The following CEP89 variants were observed in gnomAD, a reference collection of about 807,000 sequenced individuals.
CEP89 encodes the protein centrosomal protein of 89 kDa.
Under a neutral mutation model 97.6 loss-of-function variants are expected in CEP89, and 95 were observed. That is an observed-to-expected ratio of 0.97 (90% confidence interval 0.82 to 1.15). The LOEUF is 1.15. Among genes scored for constraint, CEP89 ranks in the 50% most tolerant of loss-of-function variants. The pLI, the probability that CEP89 is intolerant of heterozygous loss-of-function variation, is 0.00. For missense variants in CEP89, 869 were observed against 947.7 expected, an observed-to-expected ratio of 0.92 and a Z score of 1.09; for synonymous variants, 354 against 349.1, an observed-to-expected ratio of 1.01 and a Z score of -0.16.
At position 32,899,977 on chromosome 19, in the gene CEP89, C is replaced by T; in HGVS notation, c.1755G>A (p.Glu585=). The T allele has an allele frequency of 1.9e-6, 3 of 1,614,018 alleles. No homozygotes were observed. In the South Asian group the frequency reaches 3.3e-5, roughly 18 times the overall value. The change falls in exon 16 of 19, where the codon GAG becomes GAA. Residue 585 remains glutamate (E), a synonymous_variant. Coordinates refer to ENST00000305768, the MANE Select transcript of CEP89 (RefSeq NM_032816.5). ...CTTTTTCCACCTGCTTTTTGAGGACCTCAATTTTCTTTTGAGATTTCCTAG... is the reference window on the plus strand; with the variant it reads ...CTTTTTCCACCTGCTTTTTGAGGACTTCAATTTTCTTTTGAGATTTCCTAG... ...KINRKSQKKI[E]VLKKQVEKAM...
chr19:32,902,048 G>GTGTGTA (rs1969792050), intron 14 of CEP89, among the ~76,000 whole-genome samples: 3 of 149,936 alleles, frequency 2.0e-5, no homozygotes, highest in African/African-American at 5.0e-5. Flanking sequence ...GTGTGTGTAT[G>GTGTGTA]TGTGTGTATA....
intron 14 of CEP89, among the ~76,000 whole-genome samples, chr19:32,911,914 T>C (rs1336330905): frequency 1.3e-5 from 2 of 152,112 alleles, no homozygotes; most frequent in Non-Finnish European, 2.9e-5. Context: ...CAAAAGTGAA[T>C]AGGACACTTG....
At chr19:32,928,354 C>T (rs750725224) in intron 9 of CEP89, among the ~76,000 whole-genome samples, 5 of 151,748 alleles carry the variant, frequency 3.3e-5, no homozygotes, top group African/African-American at 4.8e-5. Flanking sequence ...CTTTTCCTTC[C>T]GCCCTTCCTT....
rs528820748 is a variant in CEP89 at position 32,876,025 on chromosome 19, C to G, written c.*3137G>C. On this transcript the variant is annotated 3_prime_UTR_variant, in exon 19 of 19. Coordinates refer to ENST00000305768, the MANE Select transcript of CEP89 (RefSeq NM_032816.5). Reference sequence around the variant, plus strand: ...GGCGTTAAGGGCATTCAGGACAGCTCTCATGACAGACTCACACCCACATGC... The same window carrying G: ...GGCGTTAAGGGCATTCAGGACAGCTGTCATGACAGACTCACACCCACATGC... The G allele has an allele frequency of 1.1e-4, 17 of 152,422 alleles. No individual in the cohort carries two copies. The highest frequency in any genetic ancestry group is 3.8e-4 in the African/African-American group (16 of 41,580). 9.4% of individuals were successfully genotyped at this position (152,422 alleles called of 1,614,324 possible).
intron 16 of CEP89, among the ~76,000 whole-genome samples, chr19:32,896,362 C>G (rs1238715871): frequency 6.6e-6 from 1 of 152,044 alleles, no homozygotes; most frequent in Non-Finnish European, 1.5e-5. Context: ...AGAACATACG[C>G]TGGGGAAAGG....
intron 4 of CEP89, among the ~76,000 whole-genome samples, chr19:32,952,543 G>A (rs1970942950): frequency 6.6e-6 from 1 of 151,646 alleles, no homozygotes; most frequent in South Asian, 2.1e-4. Context: ...ATCAATACCG[G>A]TGTAGCTTAA....
rs376364044 is a variant in CEP89 at position 32,879,961 on chromosome 19, GAGA to G, written c.2136-586_2136-584del. 3.5e-3 allele frequency among the ~76,000 whole-genome samples: 527 copies of G among 152,350 alleles called. 1 individual carries two copies. The highest frequency in any genetic ancestry group is 0.012 in the African/African-American group (491 of 41,578). ...GGAGATAAGACTCATTGCCAAGATG[GAGA>G]AGATTGGCCTGGCCCATGTGCCGGG... On this transcript the variant is annotated intron_variant, in intron 18 of 18. Transcript: ENST00000305768.
Position 32,961,251 on chromosome 19 carries a change from C to T in CEP89, c.147-1193G>A, listed in dbSNP as rs992399538. Among the ~76,000 whole-genome samples the T allele has an allele frequency of 3.9e-5, 6 of 151,958 alleles. No homozygotes were observed. In the East Asian group the frequency reaches 5.8e-4, roughly 15 times the overall value. ...AATAATTAGCCCTGGCTGGGCACTG[C>T]TCCACACCCCACCTAACAAATCATA... is the stretch of plus-strand genomic sequence containing the variant. On this transcript the variant is annotated intron_variant, in intron 2 of 18. Transcript: ENST00000305768.
rs1568559832 is a variant in CEP89, at chr19:32,918,878, C to CTTTTCTTTTTTTTTTTT, written c.1269-540_1269-539insAAAAAAAAAAAAGAAAA. Among the ~76,000 whole-genome samples the CTTTTCTTTTTTTTTTTT allele has an allele frequency of 1.2e-4, 13 of 110,842 alleles. 2 individuals are homozygous for CTTTTCTTTTTTTTTTTT. The highest frequency in any genetic ancestry group is 1.2e-4 in the Non-Finnish European group (6 of 51,488). 72.7% of individuals were successfully genotyped at this position (110,842 alleles called of 152,430 possible). A position where few individuals can be genotyped will look rare whatever the true frequency, so the allele number is the denominator to read the frequency against. ...GGTTTCTTTTTTCTTTTTTCTTTTT[C>CTTTTCTTTTTTTTTTTT]TTTTTCTTTTTTTTTTTTTTTTTTG... is the stretch of plus-strand genomic sequence containing the variant. On this transcript the variant is annotated intron_variant, in intron 12 of 18. Transcript: ENST00000305768.
At chr19:32,962,592 T>C (rs1309494964) in intron 2 of CEP89, among the ~76,000 whole-genome samples, 2 of 152,172 alleles carry the variant, frequency 1.3e-5, no homozygotes, top group Non-Finnish European at 2.9e-5. Context: ...ACTGAAAGCA[T>C]GATCCATAAA....
chr19:32,880,549 G>A (rs535427455), intron 18 of CEP89, among the ~76,000 whole-genome samples: 2 of 151,376 alleles, frequency 1.3e-5, no homozygotes, highest in East Asian at 3.9e-4. Flanking sequence ...TGAGGCAGAA[G>A]GATGACTTGA....
chr19:32,912,698 T>C (rs1970026611), intron 14 of CEP89, among the ~76,000 whole-genome samples: 1 of 152,164 alleles, frequency 6.6e-6, no homozygotes. Flanking sequence ...TTCTATGTAC[T>C]TACAGTACAT....
rs1178549637 is a variant in CEP89, at chr19:32,915,491, G to A, written c.1411C>T (p.Leu471Phe). ...TGGCCGTGGGTTTTTGCCTCCAGGAGCATTAGTTGTTTAGTCAGCTTAGAA... is the reference window on the plus strand; with the variant it reads ...TGGCCGTGGGTTTTTGCCTCCAGGAACATTAGTTGTTTAGTCAGCTTAGAA... ...EVSKLTKQLM[L>F]LEAKTHGQEK... Residue 471 changes from leucine (L) to phenylalanine (F), a missense_variant, in exon 14 of 19, where the codon CTC becomes TTC. Physicochemically the swap from Leu to Phe is conservative, Grantham distance 22 (BLOSUM62 0). Coordinates refer to ENST00000305768, the MANE Select transcript of CEP89 (RefSeq NM_032816.5). 2.4e-5 allele frequency: 38 copies of A among 1,611,344 alleles called. No individual in the cohort carries two copies. Among genetic ancestry groups the A allele is most frequent in the Non-Finnish European group, 3.2e-5 (38 of 1,179,450 alleles).
rs62125026 is a variant in CEP89 at position 32,910,290 on chromosome 19, C to T, written c.1565+5047G>A. ...CAGAGAGAGAGAGAGAGAGAGAGAG[C>T]GAGAGAGAGAGGGAGGGAGGGAGGG... is the stretch of plus-strand genomic sequence containing the variant. On this transcript the variant is annotated intron_variant, in intron 14 of 18. Coordinates refer to ENST00000305768, the MANE Select transcript of CEP89 (RefSeq NM_032816.5). Among the ~76,000 whole-genome samples the T allele has an allele frequency of 5.1e-3, 402 of 78,412 alleles. 5 individuals are homozygous for T. Among genetic ancestry groups the T allele is most frequent in the South Asian group, 2.3e-3 (5 of 2,212 alleles). 51.4% of individuals were successfully genotyped at this position (78,412 alleles called of 152,430 possible).
In CEP89 at chr19:32,896,307, C is replaced by T. The variant is rs115799728; in HGVS notation, c.1875+3550G>A. Among the ~76,000 whole-genome samples the T allele has an allele frequency of 2.5e-3, 381 of 152,118 alleles. 2 individuals are homozygous for T. The highest frequency in any genetic ancestry group is 8.6e-3 in the African/African-American group (357 of 41,508). ...TGGAACAGAATAAAGCACCAAGAAA[C>T]GAGCCCACATATTTACTGCCAACTG... On this transcript the variant is annotated intron_variant, in intron 16 of 18. Transcript: ENST00000305768.
intron 15 of CEP89, 135 bp from the exon 16 acceptor site, chr19:32,900,133 T>C: frequency 1.2e-6 from 1 of 801,858 alleles, no homozygotes; most frequent in Non-Finnish European, 2.0e-6. Context: ...AAATCTTCTA[T>C]TAAGTTTCAA....
Position 32,908,567 on chromosome 19 carries a change from T to C in CEP89, c.1565+6770A>G, listed in dbSNP as rs1033277284. ...AATTCCATGAAGACCTAGTGAAAAATAGACAAAATGAGGAGTAGGAAACTG... is the reference window on the plus strand; with the variant it reads ...AATTCCATGAAGACCTAGTGAAAAACAGACAAAATGAGGAGTAGGAAACTG... On this transcript the variant is annotated intron_variant, in intron 14 of 18. Coordinates refer to ENST00000305768, the MANE Select transcript of CEP89 (RefSeq NM_032816.5). Among the ~76,000 whole-genome samples, 10 of 152,092 alleles carry C rather than the reference T, an allele frequency of 6.6e-5. No individual in the cohort carries two copies. In the East Asian group the frequency reaches 1.2e-3, roughly 18 times the overall value.
At position 32,890,943 on chromosome 19, in the gene CEP89, G is replaced by A. The variant is rs73049191; in HGVS notation, c.1876-3102C>T. Among the ~76,000 whole-genome samples the A allele has an allele frequency of 3.0e-3, 462 of 152,246 alleles. 1 individual carries two copies. Among genetic ancestry groups the A allele is most frequent in the Middle Eastern group, 0.01 (3 of 294 alleles). ...CCCTGCATCTCCACATCCCTGGAGC[G>A]CCACGGACATCTCCCCACATGCACC... On this transcript the variant is annotated intron_variant, in intron 16 of 18. Transcript: ENST00000305768.
intron 16 of CEP89, among the ~76,000 whole-genome samples, chr19:32,890,364 C>T (rs1345782482): frequency 6.6e-6 from 1 of 152,146 alleles, no homozygotes; most frequent in Non-Finnish European, 1.5e-5. Context: ...TGTGCCACTG[C>T]ACTTCAGCCT....
Sources: allele counts gnomAD v4.1 joint callset (sites outside exome capture counted in the v4.1 genomes callset), GRCh38; gene constraint gnomAD v4.1.1; transcripts MANE v1.5; gene names NCBI Gene and HGNC (gene_info 2026-07-23, HGNC 2026-07-21).